Variants in ZNFX1 observed in about 807,000 individuals in gnomAD.
ZNFX1 encodes the protein NFX1-type zinc finger-containing protein 1.
In ZNFX1, 78 loss-of-function variants were observed where a neutral mutation model predicts 179.8. The ratio of observed to expected loss-of-function variants is 0.43; its 90% CI spans 0.36 to 0.52. The LOEUF (loss-of-function observed/expected upper bound fraction) is 0.52, where lower values mean the gene tolerates loss of function less well. ZNFX1 is among the 20% of genes least tolerant of loss of function. The pLI is 0.00. For missense variants in ZNFX1, 1,927 were observed against 2,386.6 expected (o/e 0.81, Z 4.01); for synonymous variants, 848 against 868.5 (o/e 0.98, Z 0.42).
rs558611214 is a variant in ZNFX1, at chr20:49,258,098, A to ACT, written c.2417-435_2417-434insAG. Among the ~76,000 whole-genome samples the ACT allele has an allele frequency of 2.2e-5, 3 of 138,784 alleles. No homozygotes were observed. The Admixed American group carries it at 2.2e-4, about 10-fold the overall frequency. 91.0% of individuals were successfully genotyped at this position (138,784 alleles called of 152,430 possible). ...GAAGACATTATCAAGGGTTTATGTGATTTTTTTTTTTTTTTTGAGACGGAG... is the reference window on the plus strand; with the variant it reads ...GAAGACATTATCAAGGGTTTATGTGACTTTTTTTTTTTTTTTTTGAGACGGAG... On this transcript the variant is annotated intron_variant, in intron 7 of 13. Transcript: ENST00000396105.
intron 3 of ZNFX1, 51 bp from the exon 4 acceptor site, chr20:49,266,317 A>G: frequency 6.5e-7 from 1 of 1,531,298 alleles, no homozygotes; most frequent in Non-Finnish European, 8.8e-7. Flanking sequence ...TTCTAAATAA[A>G]GTAATTACTC....
chr20:49,277,406 G>A (rs889562369), intron 1 of ZNFX1, among the ~76,000 whole-genome samples: 1 of 151,590 alleles, frequency 6.6e-6, no homozygotes, highest in African/African-American at 2.4e-5. Context: ...TGAGGACGGA[G>A]GCGGCGGGGT....
chr20:49,250,554 AT>A (rs112265527), intron 13 of ZNFX1, among the ~76,000 whole-genome samples: 45 of 146,958 alleles, frequency 3.1e-4, no homozygotes, highest in South Asian at 1.3e-3. Context: ...TCAGCTGACA[AT>A]TTTTTTTTTT....
chr20:49,260,031 T>G (rs1981074478), intron 7 of ZNFX1, among the ~76,000 whole-genome samples: 1 of 152,246 alleles, frequency 6.6e-6, no homozygotes, highest in African/African-American at 2.4e-5. Flanking sequence ...GTAATAGTTA[T>G]CTCATTGTGG....
chr20:49,250,136 TC>T (rs1980801024), intron 13 of ZNFX1, among the ~76,000 whole-genome samples: 1 of 152,100 alleles, frequency 6.6e-6, no homozygotes, highest in South Asian at 2.1e-4. Context: ...GCGCCTATAA[TC>T]CCAGCTATTC....
rs774050305 is a variant in ZNFX1, at chr20:49,264,756, C to T, written c.2111G>A (p.Arg704His). 9 of 1,613,998 alleles carry T rather than the reference C, an allele frequency of 5.6e-6. No individual in the cohort carries two copies. In the East Asian group the frequency reaches 1.6e-4, roughly 28 times the overall value. Residue 704 changes from arginine (R) to histidine (H), a missense_variant, in exon 5 of 14, where the codon CGC becomes CAC. By Grantham distance (29) the Arg-to-His change is conservative. Transcript: ENST00000396105. ...TCGGAGGTGCATGGGGAGGTTGCGG[C>T]GGAATTCCCGCTTGTTCCTCAGCTC... ...LRELRNKREF[R>H]RNLPMHLRRA...
At chr20:49,253,544 A>T in intron 11 of ZNFX1, 122 bp downstream of exon 11, 1 of 1,229,206 alleles carries the variant, frequency 8.1e-7, no homozygotes, top group Non-Finnish European at 1.1e-6. Flanking sequence ...AGGTGAAGAC[A>T]AGAGGAATCA....
At position 49,251,583 on chromosome 20, in the gene ZNFX1, G is replaced by T. The variant is rs192741117; in HGVS notation, c.3256C>A (p.His1086Asn). ...CPEIARLLTP[H>N]IYQDLENHPS... ...TGATTCTCCAGATCCTGGTAAATGT[G>T]GGGGGTCAAAAGGCGGGCAATTTCA... The change falls in exon 13 of 14, where the codon CAC becomes AAC. Residue 1086 changes from histidine (H) to asparagine (N), a missense_variant. Coordinates refer to ENST00000396105, the MANE Select transcript of ZNFX1 (RefSeq NM_021035.3). 1.2e-5 allele frequency: 20 copies of T among 1,612,150 alleles called. No homozygotes were observed. The East Asian group carries it at 2.7e-4, about 22-fold the overall frequency.
intron 13 of ZNFX1, among the ~76,000 whole-genome samples, chr20:49,250,741 G>A (rs544917497): frequency 7.2e-5 from 11 of 152,026 alleles, no homozygotes; most frequent in Admixed American, 2.0e-4. Context: ...TAGTAGAGAC[G>A]GGGTTTCACC....
intron 1 of ZNFX1, 61 bp from the exon 2 acceptor site, chr20:49,275,948 A>G: frequency 9.5e-7 from 1 of 1,053,350 alleles, no homozygotes; most frequent in Non-Finnish European, 1.5e-6. Flanking sequence ...AAACCCAAAC[A>G]CCATCAAGCC....
rs1333319075 is a variant in ZNFX1, at chr20:49,270,286, G to C, written c.1526C>G (p.Thr509Ser). Residue 509 changes from threonine (T) to serine (S), a missense_variant, in exon 3 of 14, where the codon ACT becomes AGT. By Grantham distance (58) the Thr-to-Ser change is moderately conservative (BLOSUM62 1). Transcript: ENST00000396105. This position sits in a 1 kb window ranked among gnomAD's most constrained non-coding sequence, Gnocchi z 4.6. ...PSDSFLMVETTAYFEAYRHVL... is the reference protein window; with the variant it reads ...PSDSFLMVETSAYFEAYRHVL... ...GTGCCTGTAGGCCTCAAAGTATGCA[G>C]TTGTCTCTACCATGAGGAAAGAGTC... 2 of 1,613,982 alleles carry C rather than the reference G, an allele frequency of 1.2e-6. No homozygotes were observed. Among genetic ancestry groups the C allele is most frequent in the African/African-American group, 2.7e-5 (2 of 74,946 alleles).
intron 7 of ZNFX1, among the ~76,000 whole-genome samples, chr20:49,258,487 A>C (rs888239617): frequency 8.5e-5 from 13 of 152,160 alleles, no homozygotes; most frequent in African/African-American, 3.1e-4. Flanking sequence ...TTTTACGTTA[A>C]AAAATCATAC....
intron 1 of ZNFX1, among the ~76,000 whole-genome samples, chr20:49,277,287 A>G (rs1407149703): frequency 6.6e-6 from 1 of 151,958 alleles, no homozygotes; most frequent in East Asian, 1.9e-4. Flanking sequence ...CAGGGAGCCC[A>G]CGGTCCCTAA....
At chr20:49,253,039 GT>G (rs1181160502) in intron 11 of ZNFX1, among the ~76,000 whole-genome samples, 1 of 152,152 alleles carries the variant, frequency 6.6e-6, no homozygotes, top group East Asian at 1.9e-4. Flanking sequence ...CCCATGGTGG[GT>G]TTTTTCTAGC....
chr20:49,272,240 C>T (rs542641239), intron 2 of ZNFX1, among the ~76,000 whole-genome samples: 201 of 148,738 alleles, frequency 1.4e-3, no homozygotes, highest in African/African-American at 4.8e-3. Context: ...TGCAGTGGTG[C>T]GATCTCAGCT....
chr20:49,247,691 T>C lies in ZNFX1; in HGVS notation c.5333A>G (p.Lys1778Arg). ...NLLTRYKIAE[K>R]KVKDSIAVEV... The stretch of plus-strand genomic sequence containing the variant: ...TACTGCTATGCTATCTTTCACCTTC[T>C]TCTCTGCTATCTTGTAGCGGGTCAG... Residue 1778 changes from lysine (K) to arginine (R), a missense_variant, in exon 14 of 14, where the codon AAG becomes AGG. Lys to Arg is a conservative substitution (Grantham distance 26, BLOSUM62 2). Coordinates refer to ENST00000396105, the MANE Select transcript of ZNFX1 (RefSeq NM_021035.3). The C allele has an allele frequency of 6.2e-7, 1 of 1,614,230 alleles. No homozygotes were observed.
At chr20:49,252,591 G>A (rs1463619950) in intron 12 of ZNFX1, 129 bp downstream of exon 12, 1 of 625,756 alleles carries the variant, frequency 1.6e-6, no homozygotes, top group Non-Finnish European at 2.8e-6. Context: ...AACAGAAAAT[G>A]TAAGGTTGAC....
chr20:49,259,425 T>A (rs1389710870), intron 7 of ZNFX1, among the ~76,000 whole-genome samples: 1 of 151,954 alleles, frequency 6.6e-6, no homozygotes, highest in East Asian at 1.9e-4. Flanking sequence ...TATGTTTCCA[T>A]AACTTGCCTT....
intron 2 of ZNFX1, among the ~76,000 whole-genome samples, chr20:49,273,415 A>G (rs1337688089): frequency 6.6e-6 from 1 of 152,166 alleles, no homozygotes; most frequent in Non-Finnish European, 1.5e-5. Flanking sequence ...TACAGGTGTC[A>G]GCCACCGTGC....
Sources: allele counts gnomAD v4.1 joint callset (sites outside exome capture counted in the v4.1 genomes callset), GRCh38; gene constraint gnomAD v4.1.1; non-coding constraint Gnocchi (gnomAD v3.1); transcripts MANE v1.5; gene names NCBI Gene and HGNC (gene_info 2026-07-23, HGNC 2026-07-21).